The following GSTA5 variants were observed in gnomAD, a reference collection of about 807,000 sequenced individuals.
GSTA5 encodes the protein glutathione S-transferase A5.
Under a neutral mutation model 21.8 loss-of-function variants are expected in GSTA5, and 25 were observed. The ratio of observed to expected loss-of-function variants is 1.14; its 90% CI spans 0.83 to 1.60. The LOEUF (loss-of-function observed/expected upper bound fraction) is 1.60. Ranked by LOEUF, GSTA5 falls within the 40% of genes most tolerant of loss-of-function variation. GSTA5 has a pLI of 0.00. For synonymous variants in GSTA5, 102 were observed against 89.5 expected (o/e 1.14, Z -0.78); for missense variants, 330 against 259.2 (o/e 1.27, Z -1.88).
At chr6:52,837,457 A>G in intron 2 of GSTA5, 101 bp downstream of exon 2, 2 of 719,140 alleles carry the variant, frequency 2.8e-6, no homozygotes, top group Admixed American at 2.3e-5. Flanking sequence ...CACCGTGACT[A>G]AATATCACCC....
chr6:52,835,339 ATTGGTACT>A (rs1378668036), intron 3 of GSTA5, among the ~76,000 whole-genome samples: 1 of 152,198 alleles, frequency 6.6e-6, no homozygotes, highest in Non-Finnish European at 1.5e-5. Context: ...TGTAGCATGC[ATTGGTACT>A]TCATTCCTTT....
At chr6:52,841,797 T>C (rs1764380319), upstream of GSTA5, among the ~76,000 whole-genome samples, 3 of 152,316 alleles carry the variant, frequency 2.0e-5, no homozygotes, top group South Asian at 6.2e-4. Context: ...TTAAAGTAAC[T>C]TACCCAGATT....
chr6:52,837,475 A>G (rs1764309121), intron 2 of GSTA5, 83 bp downstream of exon 2: 1 of 853,986 alleles, frequency 1.2e-6, no homozygotes, highest in African/African-American at 1.7e-5. Flanking sequence ...CCCCCCACAC[A>G]CATAGGTATT....
At chr6:52,840,779 G>A in exon 1 of GSTA5, 1 of 1,614,146 alleles carries the variant, frequency 6.2e-7, no homozygotes, top group Non-Finnish European at 8.5e-7. Flanking sequence ...ACTGCCCCGT[G>A]CATTGGAGTA....
chr6:52,836,349 C>T, exon 3 of GSTA5: 1 of 1,613,486 alleles, frequency 6.2e-7, no homozygotes, highest in Non-Finnish European at 8.5e-7. Context: ...TTGGTACTTG[C>T]TGGAACAGCA....
upstream of GSTA5, among the ~76,000 whole-genome samples, chr6:52,841,187 T>A (rs1405469201): frequency 6.6e-6 from 1 of 152,232 alleles, no homozygotes. Flanking sequence ...CCTTTCAATA[T>A]TTTATATCTT....
upstream of GSTA5, among the ~76,000 whole-genome samples, chr6:52,845,121 G>A (rs185280484): frequency 7.2e-5 from 11 of 152,162 alleles, no homozygotes; most frequent in South Asian, 1.2e-3. Context: ...GTGGCTCTCT[G>A]TTTCTCTCTC....
At chr6:52,833,992 G>T in intron 4 of GSTA5, 149 bp downstream of exon 4, 1 of 826,576 alleles carries the variant, frequency 1.2e-6, no homozygotes, top group Non-Finnish European at 2.0e-6. Context: ...AAGTCTATTT[G>T]CATAAGAGGC....
At chr6:52,840,775 C>T (rs1475682954) in exon 1 of GSTA5, 1 of 1,613,996 alleles carries the variant, frequency 6.2e-7, no homozygotes, top group Non-Finnish European at 8.5e-7. Context: ...CCATACTGCC[C>T]CGTGCATTGG....
chr6:52,837,573 C>G (rs1764310650), exon 2 of GSTA5: 2 of 1,607,742 alleles, frequency 1.2e-6, no homozygotes, highest in Non-Finnish European at 1.7e-6. Flanking sequence ...CTTAACTTGT[C>G]CAAATCTTCT....
chr6:52,833,633 G>T (rs1024661429), intron 4 of GSTA5, among the ~76,000 whole-genome samples: 1 of 152,172 alleles, frequency 6.6e-6, no homozygotes, highest in Non-Finnish European at 1.5e-5. Flanking sequence ...ACTATAAAAT[G>T]CATTTTAAAG....
exon 6 of GSTA5, chr6:52,831,746 T>A: frequency 7.4e-7 from 1 of 1,352,724 alleles, no homozygotes; most frequent in Non-Finnish European, 1.0e-6. Context: ...AAAGAGTTTA[T>A]TAGCTTTACA....
At chr6:52,840,932 A>T (rs141549421), upstream of GSTA5, 1 of 856,996 alleles carries the variant, frequency 1.2e-6, no homozygotes, top group African/African-American at 1.7e-5. Context: ...GCTGAAGAAG[A>T]ACCTGCCTTC....
upstream of GSTA5, among the ~76,000 whole-genome samples, chr6:52,843,743 A>C (rs1415195641): frequency 6.6e-6 from 1 of 152,232 alleles, no homozygotes; most frequent in African/African-American, 2.4e-5. Context: ...AAGTTCACAC[A>C]AAAGTGTGGG....
upstream of GSTA5, among the ~76,000 whole-genome samples, chr6:52,845,787 A>ATTTCTT (rs1477729792): frequency 1.3e-5 from 2 of 152,082 alleles, no homozygotes; most frequent in African/African-American, 4.8e-5. Flanking sequence ...AAATGCTACC[A>ATTTCTT]TTTCTTTTTT....
upstream of GSTA5, among the ~76,000 whole-genome samples, chr6:52,845,051 A>G (rs140602352): frequency 7.4e-4 from 112 of 152,202 alleles, 1 homozygote; most frequent in African/African-American, 2.6e-3. Flanking sequence ...TATTTTGTCC[A>G]TGGAACTCTA....
chr6:52,840,837 T>C (rs1252060796), exon 1 of GSTA5: 15 of 1,592,152 alleles, frequency 9.4e-6, no homozygotes, highest in Non-Finnish European at 1.2e-5. Context: ...TGGAGGTTTC[T>C]CTAAGCCTGA....
At chr6:52,832,071 G>T in intron 5 of GSTA5, 101 bp from the exon 6 acceptor site, 1 of 1,496,690 alleles carries the variant, frequency 6.7e-7, no homozygotes, top group Non-Finnish European at 8.9e-7. Context: ...GACCAAGCGA[G>T]TCCCCTCCAT....
At chr6:52,834,660 A>G (rs539751814) in intron 3 of GSTA5, among the ~76,000 whole-genome samples, 188 of 152,286 alleles carry the variant, frequency 1.2e-3, no homozygotes, top group Non-Finnish European at 2.1e-3. Flanking sequence ...TGTTCTGTGC[A>G]TGAACTTAGT....
Sources: allele counts gnomAD v4.1 joint callset (sites outside exome capture counted in the v4.1 genomes callset), GRCh38; gene constraint gnomAD v4.1.1; transcripts MANE v1.5; gene names NCBI Gene and HGNC (gene_info 2026-07-23, HGNC 2026-07-21).